ZBTB38: variants seen among roughly 807,000 people sequenced by gnomAD.
The protein encoded by ZBTB38 is zinc finger and BTB domain-containing protein 38.
Under a neutral mutation model 76.8 loss-of-function variants are expected in ZBTB38, and 20 were observed. The ratio of observed to expected loss-of-function variants is 0.26; its 90% confidence interval spans 0.18 to 0.38. The LOEUF (loss-of-function observed/expected upper bound fraction) is 0.38. ZBTB38 is among the 10% of genes least tolerant of loss of function. The probability of loss-of-function intolerance (pLI) is 1.00; values close to 1 mark genes in which losing one functional copy is unlikely to be tolerated. For missense variants in ZBTB38, 1,082 were observed against 1,482.3 expected (o/e 0.73, Z 4.43); for synonymous variants, 504 against 544.2 (o/e 0.93, Z 1.03).
chr3:141,374,883 C>T (rs1042283240), intron 2 of ZBTB38, among the ~76,000 whole-genome samples: 8 of 152,052 alleles, frequency 5.3e-5, no homozygotes, highest in Non-Finnish European at 8.8e-5. Flanking sequence ...TAGAAAGGTA[C>T]GAATGTCTAT....
In ZBTB38 at chr3:141,442,368, A is replaced by C. The variant is rs893317031; in HGVS notation, c.1-21A>C. The C allele has an allele frequency of 5.1e-6, 8 of 1,569,710 alleles. No homozygotes were observed. In the Admixed American group the frequency reaches 5.4e-5, roughly 11 times the overall value. ...GCCACCTGTGGAAGATTATCTGACC[A>C]TTTCTCTCCTCTTGTTTCAGATGAC... On this transcript the variant is annotated intron_variant, in intron 5 of 5. Transcript: ENST00000321464. This position sits in a 1 kb window ranked among gnomAD's most constrained non-coding sequence, Gnocchi z 6.4.
rs569177808 is a variant in ZBTB38, at chr3:141,407,228, C to T, written c.-1+3197C>T. 1.5e-4 allele frequency among the ~76,000 whole-genome samples: 23 copies of T among 152,300 alleles called. No individual in the cohort carries two copies. In the South Asian group the frequency reaches 1.7e-3, roughly 11 times the overall value. On this transcript the variant is annotated intron_variant, in intron 5 of 5. Transcript: ENST00000321464. ...CTATTGTATGACATGTGCGTGTCTG[C>T]GCATTTTCACGTGCATATGAGCTTA...
At chr3:141,357,507 T>A (rs1270028400) in intron 1 of ZBTB38, among the ~76,000 whole-genome samples, 1 of 152,312 alleles carries the variant, frequency 6.6e-6, no homozygotes, top group East Asian at 1.9e-4. Flanking sequence ...CTTTTGTTTT[T>A]TGTTTTGTTT....
At chr3:141,434,744 T>G (rs2078365101) in intron 5 of ZBTB38, among the ~76,000 whole-genome samples, 1 of 152,186 alleles carries the variant, frequency 6.6e-6, no homozygotes, top group African/African-American at 2.4e-5. Context: ...TATCAGATAT[T>G]TATATAATTC....
chr3:141,343,159 G>T (rs1024930834), intron 1 of ZBTB38, among the ~76,000 whole-genome samples: 1 of 152,184 alleles, frequency 6.6e-6, no homozygotes, highest in African/African-American at 2.4e-5. Context: ...CTGGATCGGA[G>T]GAAGTTTAGG....
intron 3 of ZBTB38, among the ~76,000 whole-genome samples, chr3:141,381,909 G>C (rs559467924): frequency 4.7e-4 from 71 of 152,120 alleles, no homozygotes; most frequent in Non-Finnish European, 7.8e-4. Context: ...AACAAACAGA[G>C]TCATTAAAAT....
At position 141,443,768 on chromosome 3, in the gene ZBTB38, C is replaced by T. The variant is rs756942722; in HGVS notation, c.1380C>T (p.Tyr460=). Residue 460 remains tyrosine, a synonymous_variant, in exon 6 of 6, where the codon TAC becomes TAT. Coordinates refer to ENST00000321464, the MANE Select transcript of ZBTB38 (RefSeq NM_001376113.1). This position sits in a 1 kb window ranked among gnomAD's most constrained non-coding sequence, Gnocchi z 5.6. ...AATTTGTTAATGGGCAAATGCTCTACAGTTGCGTTGTGTGCAAACGTAGTT... is the reference window on the plus strand; with the variant it reads ...AATTTGTTAATGGGCAAATGCTCTATAGTTGCGTTGTGTGCAAACGTAGTT... ...MVKFVNGQML[Y]SCVVCKRSYV... is the part of the protein sequence containing the mutation. 3 of 1,613,930 alleles carry T rather than the reference C, an allele frequency of 1.9e-6. No individual in the cohort carries two copies. The highest frequency in any genetic ancestry group is 1.1e-5 in the South Asian group (1 of 91,086).
chr3:141,385,279 A>G (rs1315638609), intron 3 of ZBTB38, among the ~76,000 whole-genome samples: 1 of 151,278 alleles, frequency 6.6e-6, no homozygotes, highest in Non-Finnish European at 1.5e-5. Context: ...TAAATATTAT[A>G]TATTCAAAAT....
intron 1 of ZBTB38, among the ~76,000 whole-genome samples, chr3:141,329,438 C>T (rs1266295729): frequency 1.3e-5 from 2 of 152,200 alleles, no homozygotes; most frequent in Non-Finnish European, 2.9e-5. Flanking sequence ...CGTGACTGTA[C>T]ATCCTTCTTT....
At chr3:141,346,497 C>T (rs1943357545) in intron 1 of ZBTB38, among the ~76,000 whole-genome samples, 1 of 152,142 alleles carries the variant, frequency 6.6e-6, no homozygotes, top group Admixed American at 6.5e-5. Context: ...TCATACAGTT[C>T]CCTTTCATTC....
At chr3:141,343,228 C>T (rs13080720) in intron 1 of ZBTB38, among the ~76,000 whole-genome samples, 7,172 of 152,170 alleles carry the variant, frequency 0.047, 209 homozygotes, top group Non-Finnish European at 0.071. Context: ...GGTAATCCTT[C>T]CCCACTCAGG....
At chr3:141,436,679 A>G (rs1027430908) in intron 5 of ZBTB38, among the ~76,000 whole-genome samples, 1 of 151,936 alleles carries the variant, frequency 6.6e-6, no homozygotes, top group African/African-American at 2.4e-5. Flanking sequence ...TGTATTTTTA[A>G]TAGAGATAGA....
At chr3:141,374,743 A>C (rs1229365952) in intron 2 of ZBTB38, among the ~76,000 whole-genome samples, 1 of 152,162 alleles carries the variant, frequency 6.6e-6, no homozygotes, top group Non-Finnish European at 1.5e-5. Context: ...TGAAAACATG[A>C]TTTTTAATGG....
chr3:141,424,379 G>A (rs1340273752), intron 5 of ZBTB38, among the ~76,000 whole-genome samples: 1 of 152,020 alleles, frequency 6.6e-6, no homozygotes, highest in African/African-American at 2.4e-5. Flanking sequence ...AAATTAGCTG[G>A]GCATGTTAGC....
chr3:141,421,842 T>C (rs2075445816), intron 5 of ZBTB38, among the ~76,000 whole-genome samples: 1 of 152,234 alleles, frequency 6.6e-6, no homozygotes, highest in Admixed American at 6.5e-5. Context: ...AAGTGATGCT[T>C]ACTCATCTGC....
chr3:141,343,983 C>A (rs937716381), intron 1 of ZBTB38, among the ~76,000 whole-genome samples: 18 of 152,194 alleles, frequency 1.2e-4, no homozygotes, highest in African/African-American at 4.3e-4. Flanking sequence ...TTTTGAGGGA[C>A]TTGCATCTAA....
At chr3:141,369,825 T>A (rs901410702) in intron 1 of ZBTB38, 47 bp from the exon 2 acceptor site, 1 of 152,196 alleles carries the variant, frequency 6.6e-6, no homozygotes, top group Non-Finnish European at 1.5e-5. Context: ...AAAATATCTG[T>A]TTTATAGGCC....
intron 5 of ZBTB38, among the ~76,000 whole-genome samples, chr3:141,414,259 T>G (rs2073390266): frequency 6.6e-6 from 1 of 152,208 alleles, no homozygotes; most frequent in Admixed American, 6.5e-5. Flanking sequence ...AGGGGCCTGA[T>G]GAGAGCGTCT....
At chr3:141,354,813 T>G (rs577191348) in intron 1 of ZBTB38, among the ~76,000 whole-genome samples, 1 of 152,218 alleles carries the variant, frequency 6.6e-6, no homozygotes, top group Non-Finnish European at 1.5e-5. Flanking sequence ...GGACTTGCAG[T>G]TCATCCTGTT....
Sources: gnomAD v4.1 joint callset for allele counts (sites outside exome capture counted in the v4.1 genomes callset) on GRCh38, gnomAD v4.1.1 for gene constraint, Gnocchi (gnomAD v3.1) non-coding constraint, MANE v1.5 for transcripts, NCBI Gene and HGNC (gene_info 2026-07-23, HGNC 2026-07-21) for gene names.